Variants in MSN observed in about 807,000 individuals in gnomAD.
The protein encoded by MSN is epididymis luminal protein 70.
A neutral mutation model predicts 48.0 loss-of-function variants in MSN; 2 were observed. The ratio of observed to expected loss-of-function variants is 0.04; its 90% CI spans 0.02 to 0.13. The LOEUF (loss-of-function observed/expected upper bound fraction) is 0.13. Ranked by LOEUF, MSN falls within the 10% of genes least tolerant of loss-of-function variation. MSN has a pLI of 1.00. For missense variants in MSN, 267 were observed against 470.1 expected (o/e 0.57, Z 3.99); for synonymous variants, 146 against 166.9 (o/e 0.87, Z 0.97).
chrX:65,621,244 C>T (rs1436224004), intron 1 of MSN, among the ~76,000 whole-genome samples: 6 of 111,721 alleles, frequency 5.4e-5, no homozygotes, highest in South Asian at 3.7e-4. Flanking sequence ...ATTTTAGTAA[C>T]GTGTGCAAAC....
intron 1 of MSN, among the ~76,000 whole-genome samples, chrX:65,681,424 T>G (rs994654451): frequency 9.0e-6 from 1 of 111,619 alleles, no homozygotes; most frequent in African/African-American, 3.3e-5. Flanking sequence ...TGGTCAGTAA[T>G]ATACATGGTG....
At chrX:65,691,148 G>A (rs1286835049) in intron 1 of MSN, among the ~76,000 whole-genome samples, 6 of 111,957 alleles carry the variant, frequency 5.4e-5, no homozygotes, top group Non-Finnish European at 9.4e-5. Context: ...TGGGGTCCAA[G>A]AATTATGTCT....
At chrX:65,710,434 C>T (rs959317539) in intron 1 of MSN, among the ~76,000 whole-genome samples, 9 of 111,316 alleles carry the variant, frequency 8.1e-5, no homozygotes, top group African/African-American at 2.6e-4. Flanking sequence ...GTCCTCAGAC[C>T]TCTATGGGGT....
intron 8 of MSN, 27 bp downstream of exon 8, chrX:65,735,457 G>C: frequency 8.5e-7 from 1 of 1,180,048 alleles, no homozygotes; most frequent in Middle Eastern, 2.3e-4. Context: ...GATGTGGGGG[G>C]CCAGGGCTGG....
chrX:65,637,230 C>T (rs1313208221), intron 1 of MSN, among the ~76,000 whole-genome samples: 2 of 108,994 alleles, frequency 1.8e-5, no homozygotes, highest in South Asian at 3.9e-4. Flanking sequence ...TAGAGAAACC[C>T]CGTCTCTACT....
At chrX:65,678,956 G>A (rs759151662) in intron 1 of MSN, among the ~76,000 whole-genome samples, 1 of 111,725 alleles carries the variant, frequency 9.0e-6, no homozygotes, top group South Asian at 3.7e-4. Flanking sequence ...GTGACTTTTC[G>A]GAGAAGCTTC....
At chrX:65,730,479 T>G (rs956231777) in intron 4 of MSN, among the ~76,000 whole-genome samples, 1 of 111,518 alleles carries the variant, frequency 9.0e-6, no homozygotes, top group African/African-American at 3.3e-5. Context: ...AGTTATGGCA[T>G]ATATGTACAA....
At chrX:65,733,759 C>T (rs1361916622) in intron 7 of MSN, among the ~76,000 whole-genome samples, 1 of 111,540 alleles carries the variant, frequency 9.0e-6, no homozygotes, top group East Asian at 2.8e-4. Context: ...AATCTTGGCT[C>T]ACTACAACCT....
At chrX:65,651,862 C>T (rs895112971) in intron 1 of MSN, among the ~76,000 whole-genome samples, 16 of 107,714 alleles carry the variant, frequency 1.5e-4, no homozygotes, top group African/African-American at 5.4e-4. Context: ...CCTCCCAAAG[C>T]GTTGGGATTA....
In MSN at chrX:65,630,248, TC is replaced by T. The variant is rs770539474; in HGVS notation, c.-22+41637del. On this transcript the variant is annotated intron_variant, in intron 1 of 3. Transcript: ENST00000609672. ...CTGAGTTGTGTAATCATCACCACTA[TC>T]AAAATGTAAAACATTTGTGTCACCC... Among the ~76,000 whole-genome samples, 3 of 109,961 alleles carry T rather than the reference TC, an allele frequency of 2.7e-5. No individual in the cohort carries two copies. The South Asian group carries it at 1.2e-3, about 44-fold the overall frequency.
chrX:65,661,318 C>T (rs2070822045), intron 1 of MSN, among the ~76,000 whole-genome samples: 1 of 111,710 alleles, frequency 9.0e-6, no homozygotes. Flanking sequence ...GGGTTTTTAT[C>T]ATAAAGGTTG....
At chrX:65,630,810 G>A (rs2070550547) in intron 1 of MSN, among the ~76,000 whole-genome samples, 1 of 110,925 alleles carries the variant, frequency 9.0e-6, no homozygotes, top group African/African-American at 3.3e-5. Flanking sequence ...AATTTTGCAT[G>A]GTTCATATCA....
chrX:65,733,108 T>A (rs1032523311), intron 6 of MSN, 76 bp from the exon 7 acceptor site: 1 of 736,967 alleles, frequency 1.4e-6, no homozygotes. Context: ...GAGGTGACAG[T>A]GAGGGCAAGC....
chrX:65,705,633 T>C (rs1465782190), intron 1 of MSN, among the ~76,000 whole-genome samples: 3 of 112,083 alleles, frequency 2.7e-5, no homozygotes, highest in African/African-American at 9.7e-5. Context: ...ATTTTTTTCT[T>C]TCAATTTTCA....
At chrX:65,666,460 C>T (rs1210435379), upstream of MSN, among the ~76,000 whole-genome samples, 2 of 109,886 alleles carry the variant, frequency 1.8e-5, no homozygotes, top group African/African-American at 6.6e-5. Flanking sequence ...CCGAGTAGCT[C>T]GGATTACAGG....
chrX:65,690,553 A>G (rs2071162460), intron 1 of MSN, among the ~76,000 whole-genome samples: 1 of 111,733 alleles, frequency 8.9e-6, no homozygotes, highest in Non-Finnish European at 1.9e-5. Context: ...AGAACAGGAT[A>G]GGAGGTGAGT....
At chrX:65,680,546 A>G (rs1011677775) in intron 1 of MSN, among the ~76,000 whole-genome samples, 3 of 111,237 alleles carry the variant, frequency 2.7e-5, no homozygotes, top group African/African-American at 9.8e-5. Context: ...GAAAAGAGAA[A>G]ATTGAAACCT....
At chrX:65,677,001 T>A (rs1169849117) in intron 1 of MSN, among the ~76,000 whole-genome samples, 1 of 110,366 alleles carries the variant, frequency 9.1e-6, no homozygotes, top group Non-Finnish European at 1.9e-5. Context: ...ATTTTTATAT[T>A]TTTTTTAGTA....
intron 1 of MSN, among the ~76,000 whole-genome samples, chrX:65,614,448 A>T (rs1054288019): frequency 9.1e-6 from 1 of 109,727 alleles, no homozygotes; most frequent in African/African-American, 3.3e-5. Flanking sequence ...CATTGAAGCT[A>T]TAAATTACTT....
Sources: gnomAD v4.1 joint callset for allele counts (sites outside exome capture counted in the v4.1 genomes callset) on GRCh38, gnomAD v4.1.1 for gene constraint, MANE v1.5 for transcripts, NCBI Gene and HGNC (gene_info 2026-07-23, HGNC 2026-07-21) for gene names.